Variants in KCNH8 observed in about 807,000 individuals in gnomAD.
KCNH8 encodes potassium voltage-gated channel subfamily H member 8, also known as voltage-gated delayed rectifier potassium channel KCNH8.
A neutral mutation model predicts 103.6 loss-of-function variants in KCNH8; 70 were observed. That is an observed-to-expected ratio of 0.68 (90% CI 0.56 to 0.82). The LOEUF is 0.82. Among genes scored for constraint, KCNH8 ranks in the 40% least tolerant of loss-of-function variants. The pLI, the probability that KCNH8 is intolerant of heterozygous loss-of-function variation, is 0.00. For synonymous variants in KCNH8, 498 were observed against 489.4 expected, an observed-to-expected ratio of 1.02 and a Z score of -0.23; for missense variants, 1,217 against 1,329.9, an observed-to-expected ratio of 0.92 and a Z score of 1.32.
At position 19,410,142 on chromosome 3, in the gene KCNH8, T is replaced by C. The variant is rs796202432; in HGVS notation, c.1177+14831T>C. Among the ~76,000 whole-genome samples, 34 of 152,186 alleles carry C rather than the reference T, an allele frequency of 2.2e-4. 1 individual carries two copies. Among genetic ancestry groups the C allele is most frequent in the African/African-American group, 8.2e-4 (34 of 41,556 alleles). On this transcript the variant is annotated intron_variant, in intron 7 of 15. Coordinates refer to ENST00000328405, the MANE Select transcript of KCNH8 (RefSeq NM_144633.3). ...ATGTGCTCAATAAATTAAAAAATAC[T>C]TGAATAAGTCTCAATAAATTTTTTT...
At chr3:19,346,835 AAAG>A in intron 4 of KCNH8, 6 of 367,384 alleles carry the variant, frequency 1.6e-5, no homozygotes, top group South Asian at 8.5e-5. Context: ...AATTGAGGTC[AAAG>A]CCAGGTCTGC....
intron 11 of KCNH8, among the ~76,000 whole-genome samples, chr3:19,495,727 T>A (rs906573736): frequency 4.6e-5 from 7 of 151,708 alleles, no homozygotes; most frequent in African/African-American, 7.3e-5. Context: ...TTTTTTTTTT[T>A]AAATTGCATG....
intron 6 of KCNH8, among the ~76,000 whole-genome samples, chr3:19,394,267 A>G (rs1484084918): frequency 6.6e-6 from 1 of 152,004 alleles, no homozygotes; most frequent in Non-Finnish European, 1.5e-5. Context: ...GTATGAAAAG[A>G]AGGTGTGTTA....
chr3:19,355,664 G>C (rs189567365), intron 5 of KCNH8, among the ~76,000 whole-genome samples: 3 of 151,888 alleles, frequency 2.0e-5, no homozygotes, highest in Non-Finnish European at 2.9e-5. Flanking sequence ...GTTCTCACTC[G>C]TAGGTGGCAA....
chr3:19,434,680 G>T (rs890648778), intron 7 of KCNH8, among the ~76,000 whole-genome samples: 3 of 152,070 alleles, frequency 2.0e-5, no homozygotes, highest in Non-Finnish European at 4.4e-5. Flanking sequence ...TGGAGAGGGG[G>T]GAAACAAATG....
intron 3 of KCNH8, among the ~76,000 whole-genome samples, chr3:19,312,458 G>A (rs2125297948): frequency 6.6e-6 from 1 of 151,882 alleles, no homozygotes; most frequent in South Asian, 2.1e-4. Flanking sequence ...TCTCAGTCTT[G>A]GGCTTGAGTT....
At chr3:19,268,130 A>G (rs1017231159) in intron 2 of KCNH8, among the ~76,000 whole-genome samples, 3 of 152,134 alleles carry the variant, frequency 2.0e-5, no homozygotes, top group Non-Finnish European at 4.4e-5. Context: ...AGAAAAGGGA[A>G]AACATAAACC....
intron 1 of KCNH8, among the ~76,000 whole-genome samples, chr3:19,193,655 G>A (rs2063573979): frequency 6.6e-6 from 1 of 151,634 alleles, no homozygotes; most frequent in Non-Finnish European, 1.5e-5. Flanking sequence ...TTTGAATAGA[G>A]GGAAAATGCT....
intron 1 of KCNH8, among the ~76,000 whole-genome samples, chr3:19,211,979 A>G (rs887570658): frequency 3.9e-5 from 6 of 152,198 alleles, no homozygotes; most frequent in African/African-American, 1.4e-4. Context: ...ATGTGATAAC[A>G]AGGAGAGTCA....
chr3:19,396,559 G>C (rs2066521631), intron 7 of KCNH8, among the ~76,000 whole-genome samples: 1 of 151,848 alleles, frequency 6.6e-6, no homozygotes, highest in South Asian at 2.1e-4. Flanking sequence ...TAAATGTCTT[G>C]CTGTGGGTCC....
At chr3:19,409,097 A>G (rs2066737081) in intron 7 of KCNH8, among the ~76,000 whole-genome samples, 1 of 152,150 alleles carries the variant, frequency 6.6e-6, no homozygotes, top group Non-Finnish European at 1.5e-5. Flanking sequence ...CACTATAGAA[A>G]AAAACTTAAA....
At chr3:19,258,943 CTCTCTATATATATA>C (rs1320872381) in intron 2 of KCNH8, among the ~76,000 whole-genome samples, 432 of 53,364 alleles carry the variant, frequency 8.1e-3, no homozygotes, top group Non-Finnish European at 9.2e-3. Context: ...CTCTCTCTCT[CTCTCTATATATATA>C]TATATATATA....
chr3:19,323,333 C>T (rs764692347), intron 3 of KCNH8, among the ~76,000 whole-genome samples: 5 of 151,964 alleles, frequency 3.3e-5, no homozygotes, highest in Non-Finnish European at 7.4e-5. Context: ...CCTGTAGTCC[C>T]AGCTACTCAA....
chr3:19,440,192 A>G (rs2067261211), intron 8 of KCNH8, among the ~76,000 whole-genome samples: 1 of 152,190 alleles, frequency 6.6e-6, no homozygotes, highest in African/African-American at 2.4e-5. Flanking sequence ...CATTTTACAT[A>G]ATTTTTTAAA....
chr3:19,287,804 T>C (rs1438588386), intron 3 of KCNH8, among the ~76,000 whole-genome samples: 2 of 152,192 alleles, frequency 1.3e-5, no homozygotes, highest in African/African-American at 4.8e-5. Context: ...CAGGATGGTC[T>C]CGATCTTGTG....
At chr3:19,422,200 A>G (rs938010430) in intron 7 of KCNH8, among the ~76,000 whole-genome samples, 4 of 152,082 alleles carry the variant, frequency 2.6e-5, no homozygotes, top group African/African-American at 9.7e-5. Flanking sequence ...TAGTCATTAT[A>G]TCTTAGTTTC....
chr3:19,501,443 T>C (rs1017152912), intron 11 of KCNH8, among the ~76,000 whole-genome samples: 28 of 152,314 alleles, frequency 1.8e-4, no homozygotes, highest in African/African-American at 6.7e-4. Flanking sequence ...AGCATCATCC[T>C]GATACCAAAG....
chr3:19,175,516 T>C (rs2063391105), intron 1 of KCNH8, among the ~76,000 whole-genome samples: 1 of 152,212 alleles, frequency 6.6e-6, no homozygotes, highest in African/African-American at 2.4e-5. Context: ...GCCAACTGTT[T>C]TGTAATTTTA....
intron 1 of KCNH8, among the ~76,000 whole-genome samples, chr3:19,241,717 C>G (rs1165785891): frequency 2.3e-5 from 3 of 127,952 alleles, no homozygotes; most frequent in African/African-American, 8.4e-5. Context: ...TAAAAATACA[C>G]ACACAGACAC....
Sources: allele counts gnomAD v4.1 joint callset (sites outside exome capture counted in the v4.1 genomes callset), GRCh38; gene constraint gnomAD v4.1.1; transcripts MANE v1.5; gene names NCBI Gene and HGNC (gene_info 2026-07-23, HGNC 2026-07-21).